The following MYO7A variants were observed in gnomAD, a reference collection of about 807,000 sequenced individuals.
MYO7A encodes the protein unconventional myosin-VIIa.
MYO7A carries 210 observed loss-of-function variants against 263.8 expected under a neutral mutation model. That is an observed-to-expected ratio of 0.80 (90% CI 0.71 to 0.89). The LOEUF (loss-of-function observed/expected upper bound fraction) is 0.89. Among genes scored for constraint, MYO7A ranks in the 40% least tolerant of loss-of-function variants. The pLI, the probability that MYO7A is intolerant of heterozygous loss-of-function variation, is 0.00. For synonymous variants in MYO7A, 1,239 were observed against 1,197.3 expected, an observed-to-expected ratio of 1.03 and a Z score of -0.72; for missense variants, 2,820 against 2,968.3, an observed-to-expected ratio of 0.95 and a Z score of 1.16.
At chr11:77,178,114 G>A (rs1954796697) in intron 19 of MYO7A, among the ~76,000 whole-genome samples, 1 of 141,076 alleles carries the variant, frequency 7.1e-6, no homozygotes, top group Non-Finnish European at 1.5e-5. Flanking sequence ...CCCCTTTGCA[G>A]TTCATATGGT....
intron 14 of MYO7A, among the ~76,000 whole-genome samples, chr11:77,163,876 C>T (rs1953261622): frequency 6.6e-6 from 1 of 152,066 alleles, no homozygotes; most frequent in African/African-American, 2.4e-5. Flanking sequence ...TAGTGCTGCT[C>T]TGAACACTTG....
intron 39 of MYO7A, 92 bp downstream of exon 39, chr11:77,204,321 G>T: frequency 6.8e-7 from 1 of 1,481,016 alleles, no homozygotes; most frequent in South Asian, 1.3e-5. Context: ...GGCTCTGCCT[G>T]GATGCAGTCC....
In MYO7A at chr11:77,142,751, G is replaced by A. The variant is rs782546306; in HGVS notation, c.61G>A (p.Asp21Asn). ...WMDLRLGQEF[D>N]VPIGAVVKLC... ...GGACCTGAGATTGGGGCAGGAGTTC[G>A]ACGTGCCCATCGGGGCGGTGGTGAA... The change falls in exon 3 of 49, where the codon GAC (aspartate) becomes AAC (asparagine). Residue 21 changes from aspartate (D) to asparagine (N), a missense_variant. Coordinates refer to ENST00000409709, the MANE Select transcript of MYO7A (RefSeq NM_000260.4). 80 of 1,612,068 alleles carry A rather than the reference G, an allele frequency of 5.0e-5. No homozygotes were observed. In the Middle Eastern group the frequency reaches 1.3e-3, roughly 27 times the overall value.
rs762131185 is a variant in MYO7A at position 77,203,154 on chromosome 11, G to T, written c.5263G>T (p.Ala1755Ser). The change falls in exon 38 of 49, where the codon GCG becomes TCG. Residue 1755 changes from alanine to serine, a missense_variant. By Grantham distance (99) the Ala-to-Ser change is moderately conservative (BLOSUM62 1). Coordinates refer to ENST00000409709, the MANE Select transcript of MYO7A (RefSeq NM_000260.4). Reference protein sequence around the residue: ...WSHTREPLKQALLKKLLGSEE... With the variant: ...WSHTREPLKQSLLKKLLGSEE... ...CCACACGCGGGAACCGCTCAAGCAGGCGCTGCTCAAGAAGCTCCTGGGCAG... is the reference window on the plus strand; with the variant it reads ...CCACACGCGGGAACCGCTCAAGCAGTCGCTGCTCAAGAAGCTCCTGGGCAG... 4.1e-5 allele frequency: 64 copies of T among 1,551,074 alleles called. No individual in the cohort carries two copies. The highest frequency in any genetic ancestry group is 5.1e-5 in the Non-Finnish European group (59 of 1,148,126).
At chr11:77,191,866 G>A (rs1956104651) in intron 30 of MYO7A, among the ~76,000 whole-genome samples, 185 bp from the exon 31 acceptor site, 1 of 152,246 alleles carries the variant, frequency 6.6e-6, no homozygotes, top group African/African-American at 2.4e-5. Context: ...AGGCTAGGAA[G>A]GCAATGGTGG....
At chr11:77,191,863 G>A (rs533240934) in intron 30 of MYO7A, among the ~76,000 whole-genome samples, 188 bp from the exon 31 acceptor site, 3 of 152,362 alleles carry the variant, frequency 2.0e-5, no homozygotes, top group Non-Finnish European at 4.4e-5. Context: ...CTGAGGCTAG[G>A]AAGGCAATGG....
At position 77,138,582 on chromosome 11, in the gene MYO7A, C is replaced by G. The variant is rs564811458; in HGVS notation, c.19-4127C>G. Among the ~76,000 whole-genome samples the G allele has an allele frequency of 2.6e-5, 4 of 152,318 alleles. No homozygotes were observed. Among genetic ancestry groups the G allele is most frequent in the Non-Finnish European group, 5.9e-5 (4 of 68,008 alleles). ...TGCCACCTGCGGTCTCTGACCTCCC[C>G]CAGTGTGAACTTGGCCGCGGCTGCC... On this transcript the variant is annotated intron_variant, in intron 2 of 48. Transcript: ENST00000409709. This position sits in a 1 kb window ranked among gnomAD's most constrained non-coding sequence, Gnocchi z 4.9.
intron 15 of MYO7A, among the ~76,000 whole-genome samples, chr11:77,172,367 T>C (rs1954177859): frequency 6.6e-6 from 1 of 152,174 alleles, no homozygotes; most frequent in Admixed American, 6.5e-5. Context: ...TGTCCTGAGG[T>C]GACCAAGTCC....
chr11:77,173,842 C>T (rs781834534), intron 16 of MYO7A, among the ~76,000 whole-genome samples: 4 of 152,030 alleles, frequency 2.6e-5, no homozygotes, highest in African/African-American at 4.8e-5. Context: ...GCCTGAGGGT[C>T]GCAGAGGGCT....
In MYO7A at chr11:77,203,113, A is replaced by G; in HGVS notation, c.5222A>G (p.Lys1741Arg). Residue 1741 changes from lysine to arginine, a missense_variant, in exon 38 of 49, where the codon AAG becomes AGG. Lys to Arg is a conservative substitution (Grantham distance 26). Transcript: ENST00000409709. Reference sequence around the variant, plus strand: ...GTCATGGTGTCCAAGGCCCGAGGCAAGGACCGGCTGTGGAGCCACACGCGG... The same window carrying G: ...GTCATGGTGTCCAAGGCCCGAGGCAGGGACCGGCTGTGGAGCCACACGCGG... ...SRVMVSKARG[K>R]DRLWSHTREP... 6.5e-7 allele frequency: 1 copy of G among 1,549,492 alleles called. No homozygotes were observed.
Position 77,202,324 on chromosome 11 carries a change from C to T in MYO7A, c.5068C>T (p.Gln1690Ter). ...IVALVTMTPDQRQDVVRLLQL... is the reference protein window; with the variant it reads ...IVALVTMTPD ...GGCCCTGGTCACCATGACTCCCGATCAGAGGCAGGACGTTGTCCGGCTCTT... is the reference window on the plus strand; with the variant it reads ...GGCCCTGGTCACCATGACTCCCGATTAGAGGCAGGACGTTGTCCGGCTCTT... The change falls in exon 37 of 49, where the codon CAG becomes TAG. Residue 1690 changes from glutamine (Q) to a stop codon, truncating the protein, a stop_gained. Coordinates refer to ENST00000409709, the MANE Select transcript of MYO7A (RefSeq NM_000260.4). LOFTEE classifies it high-confidence loss of function. The T allele has an allele frequency of 6.3e-7, 1 of 1,585,974 alleles. No homozygotes were observed.
At position 77,211,321 on chromosome 11, in the gene MYO7A, C is replaced by A; in HGVS notation, c.6221C>A (p.Pro2074His). Residue 2074 changes from proline to histidine, a missense_variant, in exon 45 of 49, where the codon CCT becomes CAT. Pro to His is a moderately conservative substitution (Grantham distance 77). Coordinates refer to ENST00000409709, the MANE Select transcript of MYO7A (RefSeq NM_000260.4). ...CAGGACCTTATCCGGCAGGTCTCAC[C>A]TGATGACTGGAAGCGGGTGAGCATG... ...VPQDLIRQVS[P>H]DDWKRSIVAY... 6.3e-7 allele frequency: 1 copy of A among 1,582,452 alleles called. No homozygotes were observed. Among genetic ancestry groups the A allele is most frequent in the Non-Finnish European group, 8.6e-7 (1 of 1,164,652 alleles).
chr11:77,180,565 G>A, intron 22 of MYO7A, 84 bp downstream of exon 22: 1 of 1,198,546 alleles, frequency 8.3e-7, no homozygotes, highest in Non-Finnish European at 1.2e-6. Context: ...CTGTCACCCG[G>A]TGCTGCAGCC....
intron 3 of MYO7A, among the ~76,000 whole-genome samples, chr11:77,145,410 A>G (rs868918301): frequency 6.6e-6 from 1 of 152,164 alleles, no homozygotes; most frequent in Non-Finnish European, 1.5e-5. Flanking sequence ...TGATGTGCTC[A>G]GGGGTCCGGG....
At position 77,205,542 on chromosome 11, in the gene MYO7A, T is replaced by C. The variant is rs1195011282; in HGVS notation, c.5561T>C (p.Val1854Ala). 3 of 1,610,708 alleles carry C rather than the reference T, an allele frequency of 1.9e-6. No homozygotes were observed. Among genetic ancestry groups the C allele is most frequent in the Non-Finnish European group, 2.5e-6 (3 of 1,178,892 alleles). ...FPPSNILLPH[V>A]QRFLQSRKHC... ...CCCAGCAACATCCTCCTGCCCCACG[T>C]GCAGCGCTTCCTGCAGTCCCGAAAG... is the stretch of plus-strand genomic sequence containing the variant. The change falls in exon 40 of 49, where the codon GTG becomes GCG. Residue 1854 changes from valine to alanine, a missense_variant. Val to Ala is a moderately conservative substitution (Grantham distance 64). Transcript: ENST00000409709.
chr11:77,144,963 G>C (rs531318013), intron 3 of MYO7A, among the ~76,000 whole-genome samples: 2 of 152,230 alleles, frequency 1.3e-5, no homozygotes, highest in African/African-American at 4.8e-5. Context: ...CCAGTTGCTG[G>C]CATTTCTTCA....
intron 17 of MYO7A, 112 bp from the exon 18 acceptor site, chr11:77,175,260 G>A (rs2276284): frequency 2.3e-5 from 23 of 985,174 alleles, no homozygotes; most frequent in Middle Eastern, 2.6e-4. Flanking sequence ...GTCACACTTC[G>A]AGTCAGGGGC....
chr11:77,205,660 T>C, intron 40 of MYO7A, 43 bp downstream of exon 40: 1 of 1,609,262 alleles, frequency 6.2e-7, no homozygotes. Context: ...TGGGGCGGGC[T>C]CCTGGCCACG....
intron 35 of MYO7A, among the ~76,000 whole-genome samples, chr11:77,200,962 A>G (rs565733965): frequency 2.6e-4 from 40 of 152,326 alleles, no homozygotes; most frequent in African/African-American, 9.1e-4. Context: ...AGACAGTGAC[A>G]GGCCTGTGAC....
Sources: gnomAD v4.1 joint callset for allele counts (sites outside exome capture counted in the v4.1 genomes callset) on GRCh38, gnomAD v4.1.1 for gene constraint, Gnocchi (gnomAD v3.1) non-coding constraint, MANE v1.5 for transcripts, NCBI Gene and HGNC (gene_info 2026-07-23, HGNC 2026-07-21) for gene names.